COL7A1: variants seen among roughly 807,000 people sequenced by gnomAD.
COL7A1 encodes the protein collagen alpha-1(VII) chain.
In COL7A1, 296 loss-of-function variants were observed where a neutral mutation model predicts 456.2. The observed-to-expected ratio is 0.65, with a 90% CI of 0.59 to 0.71. COL7A1 has a LOEUF of 0.71. COL7A1 is among the 30% of genes least tolerant of loss of function. The probability of loss-of-function intolerance (pLI) is 0.00; values close to 1 mark genes in which losing one functional copy is unlikely to be tolerated. For synonymous variants in COL7A1, 1,464 were observed against 1,525.9 expected, an observed-to-expected ratio of 0.96 and a Z score of 0.95; for missense variants, 3,441 against 4,017.2, an observed-to-expected ratio of 0.86 and a Z score of 3.88.
chr3:48,584,626 A>T, intron 35 of COL7A1, 70 bp from the exon 36 acceptor site: 1 of 1,611,080 alleles, frequency 6.2e-7, no homozygotes, highest in Non-Finnish European at 8.5e-7. Flanking sequence ...GCCCCTAGAC[A>T]TGTCCAGCTA....
In COL7A1 at chr3:48,583,254, C is replaced by A; in HGVS notation, c.4438-83G>T. The A allele has an allele frequency of 6.2e-7, 1 of 1,601,378 alleles. No homozygotes were observed. Among genetic ancestry groups the A allele is most frequent in the African/African-American group, 1.3e-5 (1 of 74,534 alleles). On this transcript the variant is annotated intron_variant, in intron 42 of 118. Transcript: ENST00000681320. The surrounding 1 kb of genome is among the most constrained non-coding windows in gnomAD (Gnocchi z 5.1). ...ACGTCAAACCCCAGACAAGGGGTCC[C>A]AAACTCCAACCACCCCCTCCAAAAC...
At position 48,568,891 on chromosome 3, in the gene COL7A1, C is replaced by T. The variant is rs374906960; in HGVS notation, c.7687-36G>A. 36 of 1,550,510 alleles carry T rather than the reference C, an allele frequency of 2.3e-5. No individual in the cohort carries two copies. The African/African-American group carries it at 2.4e-4, about 11-fold the overall frequency. On this transcript the variant is annotated intron_variant, in intron 103 of 118. Transcript: ENST00000681320. The surrounding 1 kb of genome is among the most constrained non-coding windows in gnomAD (Gnocchi z 5.2). ...GACCAGGAGAGGGATTCAGTCAGGA[C>T]CAGATCAGGCTGGGGGCTTAGAATA...
Position 48,575,259 on chromosome 3 carries a change from G to A in COL7A1, c.6181-17C>T, listed in dbSNP as rs200484047. On this transcript the variant is annotated splice_polypyrimidine_tract_variant and intron_variant, in intron 74 of 118. Coordinates refer to ENST00000681320, the MANE Select transcript of COL7A1 (RefSeq NM_000094.4). This position sits in a 1 kb window ranked among gnomAD's most constrained non-coding sequence, Gnocchi z 6.3. ...CCGTTCTCCCTGAAATGCAAATAGCGGGTGAGGGCCAAGCCCATGGGGGGT... is the reference window on the plus strand; with the variant it reads ...CCGTTCTCCCTGAAATGCAAATAGCAGGTGAGGGCCAAGCCCATGGGGGGT... 8.8e-5 allele frequency: 142 copies of A among 1,613,766 alleles called. No individual in the cohort carries two copies. The highest frequency in any genetic ancestry group is 6.0e-5 in the Non-Finnish European group (71 of 1,179,984).
rs763386437 is a variant in COL7A1 at position 48,587,032 on chromosome 3, C to T, written c.3216G>A (p.Thr1072=). The T allele has an allele frequency of 1.1e-5, 17 of 1,606,256 alleles. No individual in the cohort carries two copies. The highest frequency in any genetic ancestry group is 1.3e-5 in the Non-Finnish European group (15 of 1,176,452). The change falls in exon 25 of 119, where the codon ACG becomes ACA. Residue 1072 remains threonine (T), a synonymous_variant. Coordinates refer to ENST00000681320, the MANE Select transcript of COL7A1 (RefSeq NM_000094.4). This position sits in a 1 kb window ranked among gnomAD's most constrained non-coding sequence, Gnocchi z 6.1. ...ACACCAGACGCTCCAGGACCCTCCT[C>T]GTAGCCTCCGCACGGTGAGCATTGT... ...TQDNAHRAEA[T]RRVLERLVLA...
At position 48,593,159 on chromosome 3, in the gene COL7A1, G is replaced by T; in HGVS notation, c.625C>A (p.Pro209Thr). Reference sequence around the variant, plus strand: ...GTGCACACTCTCCGGGAAACGAGGGGCAGTAGTGTCCTCAAGATGCTGAAG... The same window carrying T: ...GTGCACACTCTCCGGGAAACGAGGGTCAGTAGTGTCCTCAAGATGCTGAAG... ...NDFSILRTLL[P>T]LVSRRVCTTA... is the part of the protein sequence containing the mutation. The change falls in exon 6 of 119, where the codon CCC (proline) becomes ACC (threonine). Residue 209 changes from proline to threonine, a missense_variant. Physicochemically the swap from Pro to Thr is conservative, Grantham distance 38 (BLOSUM62 -1). Transcript: ENST00000681320. This position sits in a 1 kb window ranked among gnomAD's most constrained non-coding sequence, Gnocchi z 4.4. The T allele has an allele frequency of 6.2e-7, 1 of 1,614,132 alleles. No homozygotes were observed. The highest frequency in any genetic ancestry group is 8.5e-7 in the Non-Finnish European group (1 of 1,180,038).
At position 48,584,177 on chromosome 3, in the gene COL7A1, C is replaced by T. The variant is rs1031709231; in HGVS notation, c.4198-116G>A. The T allele has an allele frequency of 8.9e-6, 14 of 1,578,074 alleles. No individual in the cohort carries two copies. In the African/African-American group the frequency reaches 1.2e-4, roughly 14 times the overall value. Reference sequence around the variant, plus strand: ...TTCAAGGATTTTGGGAGAACTGAGGCGTCATGGTGAGGATGGGGGTAATCA... The same window carrying T: ...TTCAAGGATTTTGGGAGAACTGAGGTGTCATGGTGAGGATGGGGGTAATCA... On this transcript the variant is annotated intron_variant, in intron 37 of 118. Coordinates refer to ENST00000681320, the MANE Select transcript of COL7A1 (RefSeq NM_000094.4).
rs533045231 is a variant in COL7A1, at chr3:48,587,267, C to G, written c.3062G>C (p.Gly1021Ala). The change falls in exon 24 of 119, where the codon GGC becomes GCC. Residue 1021 changes from glycine to alanine, a missense_variant. By Grantham distance (60) the Gly-to-Ala change is moderately conservative (BLOSUM62 0). Transcript: ENST00000681320. This position sits in a 1 kb window ranked among gnomAD's most constrained non-coding sequence, Gnocchi z 6.1. ...SSQRVTGLEP[G>A]VSYIFSLTPV... ...CGTCAGGGAGAAGATGTAAGAGACG[C>G]CAGGCTCTAGCCCTGTCACCCGCTG... is the stretch of plus-strand genomic sequence containing the variant. 6.2e-7 allele frequency: 1 copy of G among 1,611,504 alleles called. No individual in the cohort carries two copies. The highest frequency in any genetic ancestry group is 1.3e-5 in the African/African-American group (1 of 74,968).
Position 48,571,359 on chromosome 3 carries a change from G to T in COL7A1, c.7069-81C>A. On this transcript the variant is annotated intron_variant, in intron 92 of 118. Transcript: ENST00000681320. This position sits in a 1 kb window ranked among gnomAD's most constrained non-coding sequence, Gnocchi z 4.6. ...AGACACGGGCTGAAAATATTCCCAG[G>T]GGAGTTCTGATGTGACCATGAACAC... is the stretch of plus-strand genomic sequence containing the variant. 2 of 1,563,886 alleles carry T rather than the reference G, an allele frequency of 1.3e-6. No homozygotes were observed. The highest frequency in any genetic ancestry group is 2.2e-5 in the East Asian group (1 of 44,446).
chr3:48,573,245 A>G lies in COL7A1; in HGVS notation c.6652-9T>C. Reference sequence around the variant, plus strand: ...GTAGGTCCAGTCAGGCCCTGGAGGAAGAGAAAGTTCAGGGCAGTGCCAACC... The same window carrying G: ...GTAGGTCCAGTCAGGCCCTGGAGGAGGAGAAAGTTCAGGGCAGTGCCAACC... On this transcript the variant is annotated splice_polypyrimidine_tract_variant and intron_variant, in intron 84 of 118. Transcript: ENST00000681320. The surrounding 1 kb of genome is among the most constrained non-coding windows in gnomAD (Gnocchi z 5.5). 6.2e-7 allele frequency: 1 copy of G among 1,614,066 alleles called. No homozygotes were observed. The highest frequency in any genetic ancestry group is 1.3e-5 in the African/African-American group (1 of 75,026).
rs1025004674 is a variant in COL7A1, at chr3:48,586,271, T to C, written c.3551-25A>G. ...CCTAAGGTGGGGTCCAGTGGCTGCA[T>C]GATAGCCTTTTCAGGGCCACCCCTA... On this transcript the variant is annotated intron_variant, in intron 27 of 118. Transcript: ENST00000681320. This position sits in a 1 kb window ranked among gnomAD's most constrained non-coding sequence, Gnocchi z 5.1. The C allele has an allele frequency of 8.7e-6, 14 of 1,613,734 alleles. No homozygotes were observed. Among genetic ancestry groups the C allele is most frequent in the Admixed American group, 3.3e-5 (2 of 60,030 alleles).
Position 48,592,346 on chromosome 3 carries a change from C to A in COL7A1, c.1093+5G>T. The A allele has an allele frequency of 1.2e-6, 2 of 1,613,492 alleles. No homozygotes were observed. Among genetic ancestry groups the A allele is most frequent in the South Asian group, 1.1e-5 (1 of 91,078 alleles). ...GACTCCCCTCAGCCCACATCTCTCA[C>A]TCACCACTGAGGACCCGCCATGTCA... On this transcript the variant is annotated splice_donor_5th_base_variant and intron_variant, in intron 9 of 118. Coordinates refer to ENST00000681320, the MANE Select transcript of COL7A1 (RefSeq NM_000094.4). The surrounding 1 kb of genome is among the most constrained non-coding windows in gnomAD (Gnocchi z 7.6).
Position 48,569,314 on chromosome 3 carries a change from T to G in COL7A1, c.7686+61A>C, listed in dbSNP as rs2532849. ...TGTCCTCCCCTCCTGCCCTCACAGATGCTGTGGAACCACCACAGCCACAGG... is the reference window on the plus strand; with the variant it reads ...TGTCCTCCCCTCCTGCCCTCACAGAGGCTGTGGAACCACCACAGCCACAGG... On this transcript the variant is annotated intron_variant, in intron 103 of 118. Transcript: ENST00000681320. The surrounding 1 kb of genome is among the most constrained non-coding windows in gnomAD (Gnocchi z 4.9). The G allele has an allele frequency of 3.2e-6, 5 of 1,575,350 alleles. No individual in the cohort carries two copies. The highest frequency in any genetic ancestry group is 4.4e-6 in the Non-Finnish European group (5 of 1,144,674).
At position 48,590,388 on chromosome 3, in the gene COL7A1, C is replaced by T. The variant is rs200667207; in HGVS notation, c.1907-32G>A. ...TCAGAGGGAAATGCTGGCATGGCTC[C>T]TGCCTGTCCCCTCTGGCACCCATAC... On this transcript the variant is annotated intron_variant, in intron 15 of 118. Coordinates refer to ENST00000681320, the MANE Select transcript of COL7A1 (RefSeq NM_000094.4). The surrounding 1 kb of genome is among the most constrained non-coding windows in gnomAD (Gnocchi z 4.6). 5.3e-4 allele frequency: 852 copies of T among 1,614,060 alleles called. 10 individuals are homozygous for T. The South Asian group carries it at 8.9e-3, about 17-fold the overall frequency.
Position 48,580,339 on chromosome 3 carries a change from G to A in COL7A1, c.5058C>T (p.Ser1686=), listed in dbSNP as rs144700737. The A allele has an allele frequency of 5.5e-4, 882 of 1,609,644 alleles. No homozygotes were observed. The highest frequency in any genetic ancestry group is 1.1e-3 in the Admixed American group (66 of 59,576). ...CACCCTTGGGTCCAGATGATCCAGG[G>A]CTGCCCTGCAGAAAGGCAGGGGTCA... is the stretch of plus-strand genomic sequence containing the variant. ...GDPGEDGRNG[S]PGSSGPKGDR... is the part of the protein sequence containing the mutation. The change falls in exon 56 of 119, where the codon AGC becomes AGT. Residue 1686 remains serine (S), a synonymous_variant. Coordinates refer to ENST00000681320, the MANE Select transcript of COL7A1 (RefSeq NM_000094.4). The surrounding 1 kb of genome is among the most constrained non-coding windows in gnomAD (Gnocchi z 4.5).
Position 48,580,304 on chromosome 3 carries a change from T to C in COL7A1, c.5093A>G (p.Glu1698Gly). ...CAGGACACCAGCCCTACTCACCGGC[T>C]CCCCACGGTCACCCTTGGGTCCAGA... ...GSSGPKGDRG[E>G]PGPPGPPGRL... The change falls in exon 56 of 119, where the codon GAG becomes GGG. Residue 1698 changes from glutamate to glycine, a missense_variant. Physicochemically the swap from Glu to Gly is moderately conservative, Grantham distance 98. Coordinates refer to ENST00000681320, the MANE Select transcript of COL7A1 (RefSeq NM_000094.4). The surrounding 1 kb of genome is among the most constrained non-coding windows in gnomAD (Gnocchi z 4.5). 3 of 1,610,130 alleles carry C rather than the reference T, an allele frequency of 1.9e-6. No homozygotes were observed. Among genetic ancestry groups the C allele is most frequent in the Non-Finnish European group, 2.5e-6 (3 of 1,178,282 alleles).
At position 48,591,527 on chromosome 3, in the gene COL7A1, G is replaced by T; in HGVS notation, c.1573C>A (p.Arg525=). Residue 525 remains arginine, a synonymous_variant, in exon 13 of 119, where the codon CGA becomes AGA. Transcript: ENST00000681320. The surrounding 1 kb of genome is among the most constrained non-coding windows in gnomAD (Gnocchi z 7.0). ...CCAGGGACTGGGCTCCAGGACACTC[G>T]CACCCGCTGCCCGGGCAGCTCGGTG... ...QATELPGQRV[R]VSWSPVPGAT... 1 of 1,613,938 alleles carries T rather than the reference G, an allele frequency of 6.2e-7. No individual in the cohort carries two copies. The highest frequency in any genetic ancestry group is 8.5e-7 in the Non-Finnish European group (1 of 1,180,000).
In COL7A1 at chr3:48,566,662, G is replaced by C; in HGVS notation, c.8302C>G (p.Gln2768Glu). The C allele has an allele frequency of 1.2e-6, 2 of 1,614,144 alleles. No individual in the cohort carries two copies. Among genetic ancestry groups the C allele is most frequent in the Non-Finnish European group, 1.7e-6 (2 of 1,180,012 alleles). Residue 2768 changes from glutamine to glutamate, a missense_variant and splice_region_variant, in exon 112 of 119, where the codon CAG (glutamine) becomes GAG (glutamate). Gln to Glu is a conservative substitution (Grantham distance 29). Around this residue, in one of 3 missense-constraint regions of COL7A1, gnomAD observed 2,084 missense variants for 2,501.3 expected, o/e 0.83. Transcript: ENST00000681320. The surrounding 1 kb of genome is among the most constrained non-coding windows in gnomAD (Gnocchi z 5.9). ...CAAGCCTTGGAATCCCTACTCACCTGCTCCCCTCTCTCGCCAGGAGCTCCA... is the reference window on the plus strand; with the variant it reads ...CAAGCCTTGGAATCCCTACTCACCTCCTCCCCTCTCTCGCCAGGAGCTCCA... ...VPGAPGERGE[Q>E]GRPGPAGPRG... is the part of the protein sequence containing the mutation.
chr3:48,576,907 C>T lies in COL7A1; in HGVS notation c.5581G>A (p.Asp1861Asn), dbSNP rs571749536. Residue 1861 changes from aspartate to asparagine, a missense_variant, in exon 67 of 119, where the codon GAT becomes AAT. This residue lies in a region of COL7A1 where 2,084 missense variants were observed against 2,501.3 expected (regional missense o/e 0.83). Coordinates refer to ENST00000681320, the MANE Select transcript of COL7A1 (RefSeq NM_000094.4). Reference sequence around the variant, plus strand: ...ACTTCTCTCCCAGAGGCGCCTGAATCTCCTTTCTCTCCCTAAGGAAGACAA... The same window carrying T: ...ACTTCTCTCCCAGAGGCGCCTGAATTTCCTTTCTCTCCCTAAGGAAGACAA... ...GEDGRKGEKG[D>N]SGASGREGRD... is the part of the protein sequence containing the mutation. 8 of 1,614,082 alleles carry T rather than the reference C, an allele frequency of 5.0e-6. No homozygotes were observed. In the African/African-American group the frequency reaches 1.1e-4, roughly 22 times the overall value.
Position 48,568,122 on chromosome 3 carries a change from C to T in COL7A1, c.7843G>A (p.Asp2615Asn). 6.2e-7 allele frequency: 1 copy of T among 1,614,202 alleles called. No individual in the cohort carries two copies. The highest frequency in any genetic ancestry group is 1.1e-5 in the South Asian group (1 of 91,086). Residue 2615 changes from aspartate to asparagine, a missense_variant, in exon 106 of 119, where the codon GAT becomes AAT. By Grantham distance (23) the Asp-to-Asn change is conservative. Coordinates refer to ENST00000681320, the MANE Select transcript of COL7A1 (RefSeq NM_000094.4). This position sits in a 1 kb window ranked among gnomAD's most constrained non-coding sequence, Gnocchi z 5.2. Reference sequence around the variant, plus strand: ...CCCCGGGGACCCATGAAGCCAACATCTCCTTTTTCTCCTCGGATACCAGGC... The same window carrying T: ...CCCCGGGGACCCATGAAGCCAACATTTCCTTTTTCTCCTCGGATACCAGGC... ...GVPGIRGEKGDVGFMGPRGLK... is the reference protein window; with the variant it reads ...GVPGIRGEKGNVGFMGPRGLK...
Sources: gnomAD v4.1 joint callset for allele counts on GRCh38, gnomAD v4.1.1 for gene constraint, gnomAD v4.1.1 regional missense constraint, Gnocchi (gnomAD v3.1) non-coding constraint, MANE v1.5 for transcripts, NCBI Gene and HGNC (gene_info 2026-07-23, HGNC 2026-07-21) for gene names.